DIS3L: variants seen among roughly 807,000 people sequenced by gnomAD.
DIS3L encodes DIS3 like exosome 3'-5' exoribonuclease.
In DIS3L, 100 loss-of-function variants were observed where a neutral mutation model predicts 120.3. That is an observed-to-expected ratio of 0.83 (90% CI 0.71 to 0.98). The LOEUF is 0.98. DIS3L is among the 50% of genes least tolerant of loss of function. The pLI is 0.00. For synonymous variants in DIS3L, 426 were observed against 470.6 expected (o/e 0.91, Z 1.23); for missense variants, 1,196 against 1,314.2 (o/e 0.91, Z 1.39).
chr15:66,329,784 C>T lies in DIS3L; in HGVS notation c.2535+385C>T, dbSNP rs147426570. 2,114 of 926,000 alleles carry T rather than the reference C, an allele frequency of 2.3e-3. 65 individuals carry two copies. In the Admixed American group the frequency reaches 0.061, roughly 27 times the overall value. 57.4% of individuals were successfully genotyped at this position (926,000 alleles called of 1,614,324 possible). A position where few individuals can be genotyped will look rare whatever the true frequency, so the allele number is the denominator to read the frequency against. ...AAAATTAGCCGGGTGTGATGGCACG[C>T]GCCTGTAGTCCCAGTTACTTGGGAG... On this transcript the variant is annotated intron_variant, in intron 14 of 16. Transcript: ENST00000319212.
chr15:66,304,144 TA>T (rs1288657335), intron 2 of DIS3L, among the ~76,000 whole-genome samples: 5 of 147,506 alleles, frequency 3.4e-5, no homozygotes, highest in African/African-American at 1.2e-4. Flanking sequence ...AAGAGGCTTT[TA>T]AAATAAGTTT....
In DIS3L at chr15:66,327,470, T is replaced by C. The variant is rs554270793; in HGVS notation, c.2201+1106T>C. 3.9e-5 allele frequency among the ~76,000 whole-genome samples: 6 copies of C among 152,148 alleles called. No homozygotes were observed. In the East Asian group the frequency reaches 1.2e-3, roughly 29 times the overall value. On this transcript the variant is annotated intron_variant, in intron 12 of 16. Coordinates refer to ENST00000319212, the MANE Select transcript of DIS3L (RefSeq NM_001143688.3). The stretch of plus-strand genomic sequence containing the variant: ...TACTTCTTTCATTAAAAACCAAGTA[T>C]AGGCAGGCTGGGCACAGTGGCTCAT...
Position 66,325,913 on chromosome 15 carries a change from T to C in DIS3L, c.1750T>C (p.Ser584Pro). 6.2e-7 allele frequency: 1 copy of C among 1,614,136 alleles called. No individual in the cohort carries two copies. The highest frequency in any genetic ancestry group is 8.5e-7 in the Non-Finnish European group (1 of 1,179,994). ...GTGGTATGGCAGAACCATTATTCGA[T>C]CAGCATACAAACTGTTCTATGAAGC... The part of the protein sequence containing the change: ...KVWYGRTIIR[S>P]AYKLFYEAAQ... The change falls in exon 12 of 17, where the codon TCA becomes CCA. Residue 584 changes from serine to proline, a missense_variant. Coordinates refer to ENST00000319212, the MANE Select transcript of DIS3L (RefSeq NM_001143688.3).
In DIS3L at chr15:66,308,611, A is replaced by G. The variant is rs993507923; in HGVS notation, c.423-98A>G. ...TTGTTGAACGAATGAATGGTTATCT[A>G]TATAGTCCAAAGGATAGCAAAAGCC... is the stretch of plus-strand genomic sequence containing the variant. On this transcript the variant is annotated intron_variant, in intron 3 of 16. Coordinates refer to ENST00000319212, the MANE Select transcript of DIS3L (RefSeq NM_001143688.3). 23 of 1,446,622 alleles carry G rather than the reference A, an allele frequency of 1.6e-5. No homozygotes were observed. The African/African-American group carries it at 2.4e-4, about 15-fold the overall frequency. 89.6% of individuals were successfully genotyped at this position (1,446,622 alleles called of 1,614,324 possible).
chr15:66,325,983 T>A lies in DIS3L; in HGVS notation c.1820T>A (p.Ile607Asn). 3 of 1,614,172 alleles carry A rather than the reference T, an allele frequency of 1.9e-6. No homozygotes were observed. The highest frequency in any genetic ancestry group is 2.5e-6 in the Non-Finnish European group (3 of 1,180,040). The change falls in exon 12 of 17, where the codon ATT (isoleucine) becomes AAT (asparagine). Residue 607 changes from isoleucine (I) to asparagine (N), a missense_variant. Physicochemically the swap from Ile to Asn is moderately radical, Grantham distance 149. Transcript: ENST00000319212. ...LDGNLSVVDDIPEFKDLDEKS... is the reference protein window; with the variant it reads ...LDGNLSVVDDNPEFKDLDEKS... ...GGAAACTTAAGCGTTGTTGATGATA[T>A]TCCAGAATTCAAAGACTTGGATGAG...
intron 15 of DIS3L, 95 bp downstream of exon 15, chr15:66,332,115 G>A: frequency 5.7e-6 from 7 of 1,219,940 alleles, no homozygotes; most frequent in Non-Finnish European, 7.7e-6. Flanking sequence ...AAATATTTAA[G>A]CAACTAGTTA....
At chr15:66,315,604 A>T (rs7162882) in intron 7 of DIS3L, among the ~76,000 whole-genome samples, 149,744 of 152,300 alleles carry the variant, frequency 0.98, 73,667 homozygotes, top group East Asian at 1. Context: ...CAATTTTCCC[A>T]CTCTGCAGGT....
At chr15:66,296,288 A>G (rs1276656403) in intron 2 of DIS3L, among the ~76,000 whole-genome samples, 1 of 152,178 alleles carries the variant, frequency 6.6e-6, no homozygotes. Context: ...AAAGACAAAG[A>G]GTTGGAATTT....
rs2093020698 is a variant in DIS3L, at chr15:66,333,187, A to T, written c.3040A>T (p.Lys1014Ter). ...VEEAQLAQEV[K>*]VNIIQEEYQE... ...AGAAGCTCAGCTTGCCCAAGAAGTC[A>T]AAGTAAACATCATTCAGGAGGAATA... Residue 1014 changes from lysine (K) to a stop codon, truncating the protein, a stop_gained, in exon 17 of 17, where the codon AAA becomes TAA. Transcript: ENST00000319212. LOFTEE classifies it high-confidence loss of function. 6.2e-7 allele frequency: 1 copy of T among 1,614,038 alleles called. No individual in the cohort carries two copies. The highest frequency in any genetic ancestry group is 1.3e-5 in the African/African-American group (1 of 74,924).
rs955143736 is a variant in DIS3L at position 66,294,115 on chromosome 15, G to C, written c.139+380G>C. The C allele has an allele frequency of 3.0e-6, 3 of 985,572 alleles. No homozygotes were observed. In the African/African-American group the frequency reaches 5.2e-5, roughly 17 times the overall value. 61.1% of individuals were successfully genotyped at this position (985,572 alleles called of 1,614,324 possible). ...GGGAGGTCCCGAGCTGGGAGCCCCC[G>C]GGAGCTACAGGCCAGCTGCTGCCGC... On this transcript the variant is annotated intron_variant, in intron 1 of 16. Transcript: ENST00000319212.
At chr15:66,309,843 G>C (rs1303974421) in intron 4 of DIS3L, among the ~76,000 whole-genome samples, 1 of 152,192 alleles carries the variant, frequency 6.6e-6, no homozygotes, top group Non-Finnish European at 1.5e-5. Flanking sequence ...GGGGTTAATA[G>C]GGATAAATGA....
chr15:66,301,670 A>G (rs1035748271), intron 2 of DIS3L, among the ~76,000 whole-genome samples: 1 of 152,218 alleles, frequency 6.6e-6, no homozygotes, highest in African/African-American at 2.4e-5. Flanking sequence ...TCCGTGCAGG[A>G]TGTTCATCTA....
chr15:66,313,814 C>T (rs1345613654), intron 5 of DIS3L, among the ~76,000 whole-genome samples: 1 of 146,080 alleles, frequency 6.8e-6, no homozygotes, highest in Non-Finnish European at 1.5e-5. Context: ...TGTGTGTGTA[C>T]ATCTCGAAAA....
chr15:66,316,142 A>C (rs910641812), intron 7 of DIS3L, among the ~76,000 whole-genome samples: 10 of 151,668 alleles, frequency 6.6e-5, no homozygotes, highest in African/African-American at 1.9e-4. Flanking sequence ...TCAGTTGTCT[A>C]TTTGGCATCT....
chr15:66,315,322 A>G, intron 7 of DIS3L, 107 bp downstream of exon 7: 1 of 1,102,414 alleles, frequency 9.1e-7, no homozygotes, highest in Non-Finnish European at 1.2e-6. Flanking sequence ...TATTTATTTT[A>G]TTTAAATTGA....
chr15:66,311,576 G>A (rs2092761749), intron 4 of DIS3L, 148 bp from the exon 5 acceptor site: 2 of 857,460 alleles, frequency 2.3e-6, no homozygotes, highest in Non-Finnish European at 3.6e-6. Context: ...GAGAATGAAT[G>A]GTGGAGTGAG....
rs553640972 is a variant in DIS3L, at chr15:66,305,047, C to T, written c.294-1777C>T. Among the ~76,000 whole-genome samples the T allele has an allele frequency of 2.4e-5, 3 of 125,362 alleles. No homozygotes were observed. In the Admixed American group the frequency reaches 2.8e-4, roughly 12 times the overall value. 82.2% of individuals were successfully genotyped at this position (125,362 alleles called of 152,430 possible). ...CCGGAGGTCTTGCTCTGTCACCAGG[C>T]TGGAGTGCAGTGGCCTGATCTCGGC... On this transcript the variant is annotated intron_variant, in intron 2 of 16. Coordinates refer to ENST00000319212, the MANE Select transcript of DIS3L (RefSeq NM_001143688.3).
In DIS3L at chr15:66,324,867, C is replaced by T. The variant is rs146089213; in HGVS notation, c.1668-964C>T. On this transcript the variant is annotated intron_variant, in intron 11 of 16. Coordinates refer to ENST00000319212, the MANE Select transcript of DIS3L (RefSeq NM_001143688.3). ...CTGATTAATTTGTAAAAGCTCTTTA[C>T]ATATTAGGAAAATTAGCCCTATGTT... Among the ~76,000 whole-genome samples the T allele has an allele frequency of 3.0e-3, 460 of 152,260 alleles. 4 individuals carry two copies. Among genetic ancestry groups the T allele is most frequent in the African/African-American group, 0.011 (446 of 41,550 alleles).
chr15:66,317,839 C>CT (rs1305468307), intron 7 of DIS3L, among the ~76,000 whole-genome samples: 1 of 132,924 alleles, frequency 7.5e-6, no homozygotes, highest in African/African-American at 2.7e-5. Context: ...GATCCTGTTT[C>CT]TTAAAAAAAA....
Sources: gnomAD v4.1 joint callset for allele counts (sites outside exome capture counted in the v4.1 genomes callset) on GRCh38, gnomAD v4.1.1 for gene constraint, MANE v1.5 for transcripts, NCBI Gene and HGNC (gene_info 2026-07-23, HGNC 2026-07-21) for gene names.